Variants in CEP295NL observed in about 807,000 individuals in gnomAD.
CEP295NL encodes the protein protein DDC8 homolog.
A neutral mutation model predicts 4.6 loss-of-function variants in CEP295NL; 3 were observed. The observed-to-expected ratio is 0.65, with a 90% CI of 0.30 to 1.69. The LOEUF is 1.69. CEP295NL is among the 40% of genes most tolerant of loss of function. The probability of loss-of-function intolerance (pLI) is 0.10; values close to 1 mark genes in which losing one functional copy is unlikely to be tolerated. For missense variants in CEP295NL, 719 were observed against 769.0 expected (o/e 0.93, Z 0.77); for synonymous variants, 295 against 312.2 (o/e 0.94, Z 0.58).
Position 78,890,609 on chromosome 17 carries a change from T to C in CEP295NL, c.*29A>G. 1.9e-6 allele frequency: 3 copies of C among 1,538,764 alleles called. No homozygotes were observed. The highest frequency in any genetic ancestry group is 1.2e-5 in the South Asian group (1 of 82,818). On this transcript the variant is annotated 3_prime_UTR_variant, in exon 3 of 3. Transcript: ENST00000322630. ...GTGCTGGCAGCACCATTATCAGTGA[T>C]GTATTTACCCCGGGTGGGCCTCTCG... is the stretch of plus-strand genomic sequence containing the variant.
intron 2 of CEP295NL, among the ~76,000 whole-genome samples, chr17:78,894,158 T>G (rs994534037): frequency 6.6e-6 from 1 of 152,114 alleles, no homozygotes; most frequent in South Asian, 2.1e-4. Context: ...TCCGTTCATC[T>G]TTTTTACAGT....
chr17:78,892,511 G>A (rs2069917791), intron 2 of CEP295NL, 52 bp from the exon 3 acceptor site: 1 of 1,496,218 alleles, frequency 6.7e-7, no homozygotes, highest in Non-Finnish European at 8.9e-7. Context: ...CCAGGAGAGT[G>A]AGCAAAGCCC....
Position 78,891,681 on chromosome 17 carries a change from G to A in CEP295NL, c.823C>T (p.Arg275Trp), listed in dbSNP as rs140031516. ...LVEEKEKGTA[R>W]AGRRQLGKGA... ...TTTCCCAGTTGCCTCCTCCCCGCCCGAGCTGTTCCTTTCTCTTTTTCCTCC... is the reference window on the plus strand; with the variant it reads ...TTTCCCAGTTGCCTCCTCCCCGCCCAAGCTGTTCCTTTCTCTTTTTCCTCC... Residue 275 changes from arginine (R) to tryptophan (W), a missense_variant, in exon 3 of 3, where the codon CGG becomes TGG. Physicochemically the swap from Arg to Trp is moderately radical, Grantham distance 101 (BLOSUM62 -3). Transcript: ENST00000322630. This position sits in a 1 kb window ranked among gnomAD's most constrained non-coding sequence, Gnocchi z 4.5. The A allele has an allele frequency of 1.8e-3, 2,730 of 1,550,934 alleles. 42 individuals carry two copies. The East Asian group carries it at 0.031, about 17-fold the overall frequency.
At chr17:78,897,651 C>T (rs1434276458) in intron 2 of CEP295NL, 1 of 152,346 alleles carries the variant, frequency 6.6e-6, no homozygotes, top group African/African-American at 2.4e-5. Flanking sequence ...CCCGAACAGA[C>T]ACGTGGGACA....
chr17:78,901,637 G>A, intron 2 of CEP295NL, 148 bp downstream of exon 2: 1 of 695,872 alleles, frequency 1.4e-6, no homozygotes, highest in Non-Finnish European at 2.7e-6. Context: ...AGTACTATGT[G>A]ACCTAGGCCA....
chr17:78,902,355 G>A (rs558806679), intron 1 of CEP295NL, among the ~76,000 whole-genome samples: 4 of 152,324 alleles, frequency 2.6e-5, no homozygotes, highest in South Asian at 2.1e-4. Context: ...TGATCCACTC[G>A]CCTCGGCCTC....
chr17:78,891,707 A>G lies in CEP295NL; in HGVS notation c.797T>C (p.Val266Ala), dbSNP rs1177796129. 2 of 1,550,566 alleles carry G rather than the reference A, an allele frequency of 1.3e-6. No individual in the cohort carries two copies. The highest frequency in any genetic ancestry group is 8.7e-7 in the Non-Finnish European group (1 of 1,146,984). The change falls in exon 3 of 3, where the codon GTG becomes GCG. Residue 266 changes from valine to alanine, a missense_variant. Coordinates refer to ENST00000322630, the MANE Select transcript of CEP295NL (RefSeq NM_001243540.2). This position sits in a 1 kb window ranked among gnomAD's most constrained non-coding sequence, Gnocchi z 4.5. ...AGCTGTTCCTTTCTCTTTTTCCTCCACAAGCCCGATTTCTCCCACAGCAGC... is the reference window on the plus strand; with the variant it reads ...AGCTGTTCCTTTCTCTTTTTCCTCCGCAAGCCCGATTTCTCCCACAGCAGC... ...LVAAVGEIGLVEEKEKGTARA... is the reference protein window; with the variant it reads ...LVAAVGEIGLAEEKEKGTARA...
intron 2 of CEP295NL, among the ~76,000 whole-genome samples, chr17:78,901,571 G>A (rs933713175): frequency 7.9e-5 from 12 of 152,126 alleles, no homozygotes; most frequent in African/African-American, 2.9e-4. Context: ...GTGAGGTGGG[G>A]CAAGGGTGTT....
Position 78,896,831 on chromosome 17 carries a change from G to A in CEP295NL, c.45-4372C>T, listed in dbSNP as rs2070008923. 3 of 694,838 alleles carry A rather than the reference G, an allele frequency of 4.3e-6. No homozygotes were observed. Among genetic ancestry groups the A allele is most frequent in the South Asian group, 6.4e-5 (1 of 15,604 alleles). 43.0% of individuals were successfully genotyped at this position (694,838 alleles called of 1,614,324 possible). ...CTCCTCTCTTGCTCTCTACAGCCCC[G>A]TGGCCCCAGCGCAGGAGCCAGCCCA... On this transcript the variant is annotated intron_variant, in intron 2 of 2. Coordinates refer to ENST00000322630, the MANE Select transcript of CEP295NL (RefSeq NM_001243540.2). The surrounding 1 kb of genome is among the most constrained non-coding windows in gnomAD (Gnocchi z 4.4).
At chr17:78,901,076 G>T (rs190015546) in intron 2 of CEP295NL, 4 of 152,578 alleles carry the variant, frequency 2.6e-5, no homozygotes, top group African/African-American at 9.6e-5. Flanking sequence ...CCTGCAGGAC[G>T]CCACAGCATC....
Position 78,896,586 on chromosome 17 carries a change from C to T in CEP295NL, c.45-4127G>A, listed in dbSNP as rs562456350. On this transcript the variant is annotated intron_variant, in intron 2 of 2. Coordinates refer to ENST00000322630, the MANE Select transcript of CEP295NL (RefSeq NM_001243540.2). The surrounding 1 kb of genome is among the most constrained non-coding windows in gnomAD (Gnocchi z 4.4). ...CTCTGAGTGTTCTGAGCATCCTGGGCTGCTTTGGTGTTTTCTACTCCCCTG... is the reference window on the plus strand; with the variant it reads ...CTCTGAGTGTTCTGAGCATCCTGGGTTGCTTTGGTGTTTTCTACTCCCCTG... Among the ~76,000 whole-genome samples the T allele has an allele frequency of 7.2e-5, 11 of 152,282 alleles. No homozygotes were observed. The East Asian group carries it at 2.1e-3, about 29-fold the overall frequency.
At chr17:78,893,417 G>A (rs796289831) in intron 2 of CEP295NL, among the ~76,000 whole-genome samples, 1,870 of 98,458 alleles carry the variant, frequency 0.019, 100 homozygotes, top group African/African-American at 0.12. Flanking sequence ...GTGTGCATAG[G>A]GGTGTGTGTG....
At chr17:78,893,441 G>A (rs1416755517) in intron 2 of CEP295NL, among the ~76,000 whole-genome samples, 2 of 148,278 alleles carry the variant, frequency 1.3e-5, no homozygotes, top group African/African-American at 5.0e-5. Context: ...GGGTGTGTGC[G>A]TGGGGCTGTG....
At chr17:78,894,151 G>A (rs1227802276) in intron 2 of CEP295NL, among the ~76,000 whole-genome samples, 3 of 152,010 alleles carry the variant, frequency 2.0e-5, no homozygotes, top group Non-Finnish European at 4.4e-5. Flanking sequence ...GCATGTATCC[G>A]TTCATCTTTT....
rs970440076 is a variant in CEP295NL at position 78,890,724 on chromosome 17, G to A, written c.1780C>T (p.Gln594Ter). The A allele has an allele frequency of 1.5e-5, 23 of 1,550,658 alleles. No homozygotes were observed. Among genetic ancestry groups the A allele is most frequent in the Non-Finnish European group, 1.8e-5 (21 of 1,147,004 alleles). Residue 594 changes from glutamine to a stop codon, truncating the protein, a stop_gained, in exon 3 of 3, where the codon CAG (glutamine) becomes TAG (stop). Coordinates refer to ENST00000322630, the MANE Select transcript of CEP295NL (RefSeq NM_001243540.2). LOFTEE classifies it high-confidence loss of function. The stretch of plus-strand genomic sequence containing the variant: ...AACCTGTTTTGCTGTAAGATCTGCT[G>A]CTGCTGGTCTCGGATCATCTGACTG... ...RHSQMIRDQQQQILQQNRLHK... is the reference protein window; with the variant it reads ...RHSQMIRDQQ
chr17:78,891,017 A>G lies in CEP295NL; in HGVS notation c.1487T>C (p.Val496Ala), dbSNP rs952474233. The change falls in exon 3 of 3, where the codon GTG (valine) becomes GCG (alanine). Residue 496 changes from valine to alanine, a missense_variant. Coordinates refer to ENST00000322630, the MANE Select transcript of CEP295NL (RefSeq NM_001243540.2). The surrounding 1 kb of genome is among the most constrained non-coding windows in gnomAD (Gnocchi z 4.5). ...CCTTTGCCTGGATGCCGTCGAGCCC[A>G]CTCTGTCTGCCTGGTCTTGAAGGTG... is the stretch of plus-strand genomic sequence containing the variant. Reference protein sequence around the residue: ...QLHLQDQADRVGSTASRQRQK... With the variant: ...QLHLQDQADRAGSTASRQRQK... 4 of 1,550,754 alleles carry G rather than the reference A, an allele frequency of 2.6e-6. No individual in the cohort carries two copies. The highest frequency in any genetic ancestry group is 3.5e-6 in the Non-Finnish European group (4 of 1,147,028).
chr17:78,892,309 C>T lies in CEP295NL; in HGVS notation c.195G>A (p.Leu65=), dbSNP rs971207286. 3.2e-6 allele frequency: 5 copies of T among 1,550,566 alleles called. No individual in the cohort carries two copies. Among genetic ancestry groups the T allele is most frequent in the Non-Finnish European group, 4.4e-6 (5 of 1,147,038 alleles). ...RNRNMDGAMW[L]SLCPDNEDLL... ...GGTCTTCGTTATCAGGACAGAGGCT[C>T]AGCCACATGGCTCCATCCATGTTTC... Residue 65 remains leucine, a synonymous_variant, in exon 3 of 3, where the codon CTG becomes CTA. Transcript: ENST00000322630.
chr17:78,898,269 G>A (rs1297313903), intron 2 of CEP295NL: 1 of 152,264 alleles, frequency 6.6e-6, no homozygotes, highest in African/African-American at 2.4e-5. Flanking sequence ...TTGAGACTCA[G>A]AGAGGTTAAG....
Position 78,901,205 on chromosome 17 carries a change from G to C in CEP295NL, c.44+580C>G, listed in dbSNP as rs139366850. 4.8e-3 allele frequency: 733 copies of C among 154,196 alleles called. 3 individuals carry two copies. The highest frequency in any genetic ancestry group is 0.014 in the African/African-American group (580 of 41,584). 9.6% of individuals were successfully genotyped at this position (154,196 alleles called of 1,614,324 possible). A position where few individuals can be genotyped will look rare whatever the true frequency, so the allele number is the denominator to read the frequency against. ...TGCTGGATTCCACGCACGAGGAACC[G>C]ACGGGCAGACGTGGAGCTAAATGAT... On this transcript the variant is annotated intron_variant, in intron 2 of 2. Coordinates refer to ENST00000322630, the MANE Select transcript of CEP295NL (RefSeq NM_001243540.2).
Sources: allele counts gnomAD v4.1 joint callset (sites outside exome capture counted in the v4.1 genomes callset), GRCh38; gene constraint gnomAD v4.1.1; non-coding constraint Gnocchi (gnomAD v3.1); transcripts MANE v1.5; gene names NCBI Gene and HGNC (gene_info 2026-07-23, HGNC 2026-07-21).